DMD: variants seen among roughly 807,000 people sequenced by gnomAD.
The protein encoded by DMD is mutant dystrophin.
Under a neutral mutation model 330.1 loss-of-function variants are expected in DMD, and 63 were observed. The observed-to-expected ratio is 0.19, with a 90% CI of 0.16 to 0.24. The LOEUF is 0.24. Among genes scored for constraint, DMD ranks in the 10% least tolerant of loss-of-function variants. DMD has a pLI of 1.00. For missense variants in DMD, 3,344 were observed against 2,684.1 expected (o/e 1.25, Z -5.43); for synonymous variants, 1,223 against 959.8 (o/e 1.27, Z -5.07).
chrX:33,302,052 A>C (rs1463435339), intron 1 of DMD, among the ~76,000 whole-genome samples: 1 of 111,653 alleles, frequency 9.0e-6, no homozygotes, highest in Non-Finnish European at 1.9e-5. Context: ...TATTTTTATA[A>C]TGTGATCAAT....
chrX:31,917,757 G>A (rs1431765068), intron 47 of DMD, among the ~76,000 whole-genome samples: 2 of 111,989 alleles, frequency 1.8e-5, no homozygotes, highest in Non-Finnish European at 3.8e-5. Flanking sequence ...TCCAGTTCAG[G>A]GACTTGGGAG....
intron 2 of DMD, among the ~76,000 whole-genome samples, chrX:33,016,339 T>A (rs1397487934): frequency 8.9e-6 from 1 of 111,970 alleles, no homozygotes; most frequent in South Asian, 3.7e-4. Context: ...TGTCTTTAGA[T>A]GGATACACAC....
At chrX:33,298,209 C>A (rs2053611096) in intron 1 of DMD, among the ~76,000 whole-genome samples, 1 of 111,040 alleles carries the variant, frequency 9.0e-6, no homozygotes, top group African/African-American at 3.3e-5. Context: ...TGTTCTCTTA[C>A]CGTAAGAGGA....
At chrX:32,312,842 C>A (rs1402532082) in intron 41 of DMD, among the ~76,000 whole-genome samples, 2 of 103,184 alleles carry the variant, frequency 1.9e-5, no homozygotes, top group Admixed American at 2.2e-4. Context: ...GGATAAATTC[C>A]TGGACACATA....
chrX:32,032,002 C>T (rs2095888197), intron 44 of DMD, among the ~76,000 whole-genome samples: 1 of 111,619 alleles, frequency 9.0e-6, no homozygotes, highest in Admixed American at 9.5e-5. Flanking sequence ...TGGTAGAGTT[C>T]TGTTTTTAAC....
At chrX:31,616,897 A>C (rs1168113957) in intron 55 of DMD, among the ~76,000 whole-genome samples, 3 of 111,724 alleles carry the variant, frequency 2.7e-5, no homozygotes, top group African/African-American at 9.8e-5. Flanking sequence ...GAGGCAAGTA[A>C]GTGGGAGATT....
chrX:31,214,934 TTTC>T (rs1279287110), intron 64 of DMD, among the ~76,000 whole-genome samples: 1 of 42,848 alleles, frequency 2.3e-5, no homozygotes, highest in Non-Finnish European at 4.4e-5. Flanking sequence ...TTATTTCTTT[TTTC>T]TTTTTTTTTT....
intron 1 of DMD, among the ~76,000 whole-genome samples, chrX:33,142,372 G>A (rs756367977): frequency 3.5e-5 from 4 of 113,037 alleles, no homozygotes; most frequent in East Asian, 5.6e-4. Context: ...GGCGTGAGCC[G>A]CTGTGCCCGG....
At chrX:32,918,108 G>A (rs2088017330) in intron 2 of DMD, among the ~76,000 whole-genome samples, 1 of 111,208 alleles carries the variant, frequency 9.0e-6, no homozygotes, top group Non-Finnish European at 1.9e-5. Context: ...TGAAGTCTAA[G>A]ACAAAGGTGC....
chrX:32,682,491 A>G (rs1373722398), intron 9 of DMD, among the ~76,000 whole-genome samples: 2 of 111,727 alleles, frequency 1.8e-5, no homozygotes, highest in Non-Finnish European at 3.8e-5. Flanking sequence ...AGACATTTCT[A>G]TTAGCGAGTA....
At chrX:32,910,518 TC>T (rs2087133167) in intron 2 of DMD, among the ~76,000 whole-genome samples, 1 of 110,976 alleles carries the variant, frequency 9.0e-6, no homozygotes, top group Non-Finnish European at 1.9e-5. Context: ...AACCTCCGCC[TC>T]CCAATTCTCC....
chrX:31,780,653 C>G (rs1020043860), intron 50 of DMD, among the ~76,000 whole-genome samples: 1 of 112,115 alleles, frequency 8.9e-6, no homozygotes, highest in Non-Finnish European at 1.9e-5. Context: ...GAAATCATGT[C>G]TAGATTCTAA....
chrX:31,927,196 G>T (rs1179990959), intron 47 of DMD, among the ~76,000 whole-genome samples: 2 of 111,726 alleles, frequency 1.8e-5, no homozygotes, highest in African/African-American at 6.5e-5. Context: ...GCATTTAATG[G>T]CAAAGACATT....
chrX:32,821,367 G>A (rs771605597), intron 5 of DMD, among the ~76,000 whole-genome samples: 4 of 110,373 alleles, frequency 3.6e-5, no homozygotes, highest in East Asian at 2.9e-4. Context: ...GGAGGATCAC[G>A]AGGTCAGGAG....
chrX:31,506,315 G>A (rs2070940036), intron 56 of DMD, among the ~76,000 whole-genome samples: 1 of 111,846 alleles, frequency 8.9e-6, no homozygotes, highest in Non-Finnish European at 1.9e-5. Context: ...CCTAGAGGTA[G>A]TAACTACTCC....
intron 45 of DMD, among the ~76,000 whole-genome samples, chrX:31,949,851 G>C (rs752780745): frequency 1.0e-4 from 11 of 109,109 alleles, no homozygotes; most frequent in African/African-American, 3.7e-4. Context: ...TGTAGGGTTG[G>C]TAGTAATTAC....
rs749397250 is a variant in DMD at position 31,323,649 on chromosome X, T to C, written c.9173A>G (p.Gln3058Arg). ...ASQHFLSTSV[Q>R]GPWERAISPN... is the part of the protein sequence containing the mutation. ...CGAGATGGCTCTCTCCCAGGGACCCTGGACAGACGCTGAAAAGAAGGGAGG... is the reference window on the plus strand; with the variant it reads ...CGAGATGGCTCTCTCCCAGGGACCCCGGACAGACGCTGAAAAGAAGGGAGG... The change falls in exon 62 of 79, where the codon CAG becomes CGG. Residue 3058 changes from glutamine (Q) to arginine (R), a missense_variant. Gln to Arg is a conservative substitution (Grantham distance 43). Transcript: ENST00000357033. 1 of 1,209,812 alleles carries C rather than the reference T, an allele frequency of 8.3e-7. No homozygotes were observed. Among genetic ancestry groups the C allele is most frequent in the Non-Finnish European group, 1.1e-6 (1 of 894,167 alleles).
At chrX:31,275,778 T>G (rs961727535) in intron 62 of DMD, among the ~76,000 whole-genome samples, 5 of 111,036 alleles carry the variant, frequency 4.5e-5, no homozygotes, top group Non-Finnish European at 9.4e-5. Flanking sequence ...CATGACAGGT[T>G]ATAGAATAAA....
chrX:31,615,150 G>A (rs781199056), intron 55 of DMD, among the ~76,000 whole-genome samples: 17 of 111,543 alleles, frequency 1.5e-4, no homozygotes, highest in Admixed American at 1.2e-3. Context: ...AGGAAGGGAG[G>A]AGGAGAAAGT....
Sources: gnomAD v4.1 joint callset for allele counts (sites outside exome capture counted in the v4.1 genomes callset) on GRCh38, gnomAD v4.1.1 for gene constraint, MANE v1.5 for transcripts, NCBI Gene and HGNC (gene_info 2026-07-23, HGNC 2026-07-21) for gene names.